DNAH14: variants seen among roughly 807,000 people sequenced by gnomAD.
DNAH14 encodes axonemal beta dynein heavy chain 14.
A neutral mutation model predicts 520.9 loss-of-function variants in DNAH14; 478 were observed. The ratio of observed to expected loss-of-function variants is 0.92; its 90% CI spans 0.85 to 0.99. The LOEUF (loss-of-function observed/expected upper bound fraction) is 0.99. DNAH14 is among the 50% of genes least tolerant of loss of function. The pLI is 0.00. For synonymous variants in DNAH14, 1,581 were observed against 1,757.2 expected (o/e 0.90, Z 2.51); for missense variants, 4,831 against 5,234.5 (o/e 0.92, Z 2.38).
chr1:224,932,210 G>T (rs891110314), intron 1 of DNAH14, among the ~76,000 whole-genome samples: 6 of 151,734 alleles, frequency 4.0e-5, no homozygotes, highest in African/African-American at 1.5e-4. Context: ...TTCTGGTGGT[G>T]GTGAGCATTT....
intron 27 of DNAH14, among the ~76,000 whole-genome samples, chr1:225,133,856 A>T (rs1206027125): frequency 6.6e-6 from 1 of 152,170 alleles, no homozygotes; most frequent in African/African-American, 2.4e-5. Flanking sequence ...CCTATCCATG[A>T]GCATGGAATG....
chr1:225,001,937 A>G (rs1338346558), intron 8 of DNAH14, among the ~76,000 whole-genome samples: 1 of 152,126 alleles, frequency 6.6e-6, no homozygotes. Flanking sequence ...TAAATAGTAC[A>G]AGGCTTTGGA....
intron 81 of DNAH14, 113 bp from the exon 82 acceptor site, chr1:225,388,266 G>A (rs2095864670): frequency 3.6e-6 from 2 of 562,552 alleles, no homozygotes; most frequent in Admixed American, 2.8e-5. Flanking sequence ...ACATCCTCCT[G>A]CCAAGTTATT....
chr1:225,115,833 T>C (rs1386502642), intron 23 of DNAH14, among the ~76,000 whole-genome samples: 1 of 152,210 alleles, frequency 6.6e-6, no homozygotes, highest in Admixed American at 6.5e-5. Context: ...TATGTGTTGG[T>C]ACTACAAAGA....
intron 84 of DNAH14, among the ~76,000 whole-genome samples, chr1:225,394,218 T>G (rs2095970098): frequency 6.6e-6 from 1 of 152,240 alleles, no homozygotes; most frequent in Non-Finnish European, 1.5e-5. Context: ...TTTCCTCTTT[T>G]GTGAAGATTC....
At chr1:225,000,517 A>G (rs2063685853) in intron 8 of DNAH14, among the ~76,000 whole-genome samples, 1 of 150,386 alleles carries the variant, frequency 6.6e-6, no homozygotes, top group Non-Finnish European at 1.5e-5. Context: ...GACTTCAGAC[A>G]CAAATGCTAG....
rs182603116 is a variant in DNAH14 at position 225,119,125 on chromosome 1, A to G, written c.4092-95A>G. The G allele has an allele frequency of 8.5e-4, 723 of 853,140 alleles. 4 individuals carry two copies. The highest frequency in any genetic ancestry group is 1.2e-3 in the Non-Finnish European group (685 of 586,902). 52.8% of individuals were successfully genotyped at this position (853,140 alleles called of 1,614,324 possible). ...TCCTTTGGCCCATGAATATTATTAA[A>G]GTATGTAGAAAATTTAGTCTACAGG... is the stretch of plus-strand genomic sequence containing the variant. On this transcript the variant is annotated intron_variant, in intron 25 of 85. Coordinates refer to ENST00000682510, the MANE Select transcript of DNAH14 (RefSeq NM_001367479.1).
intron 8 of DNAH14, 32 bp downstream of exon 8, chr1:224,974,185 CA>C: frequency 7.3e-7 from 1 of 1,376,348 alleles, no homozygotes; most frequent in Non-Finnish European, 9.7e-7. Context: ...ATAAAAATTT[CA>C]AAAGGAAGCT....
intron 66 of DNAH14, among the ~76,000 whole-genome samples, chr1:225,335,633 ATG>A (rs1558433071): frequency 7.9e-6 from 1 of 126,720 alleles, no homozygotes; most frequent in Non-Finnish European, 1.5e-5. Context: ...ATATATACAT[ATG>A]TGCATATATG....
intron 42 of DNAH14, among the ~76,000 whole-genome samples, chr1:225,240,090 G>A (rs561930690): frequency 6.6e-6 from 1 of 152,212 alleles, no homozygotes; most frequent in South Asian, 2.1e-4. Flanking sequence ...CGACTTGGTT[G>A]AGACAAATAC....
At chr1:225,362,297 G>A (rs533194613) in intron 75 of DNAH14, among the ~76,000 whole-genome samples, 21 of 152,198 alleles carry the variant, frequency 1.4e-4, no homozygotes, top group African/African-American at 3.6e-4. Flanking sequence ...CTTCCGGGCC[G>A]GGCGCGGTGG....
At chr1:225,395,206 A>G (rs2095989751) in intron 84 of DNAH14, among the ~76,000 whole-genome samples, 2 of 152,238 alleles carry the variant, frequency 1.3e-5, no homozygotes, top group Admixed American at 6.5e-5. Flanking sequence ...TATCACTTTT[A>G]TCAATATGAT....
chr1:224,977,931 A>AATC (rs138343258), intron 8 of DNAH14, among the ~76,000 whole-genome samples: 22,864 of 152,052 alleles, frequency 0.15, 3,161 homozygotes, highest in African/African-American at 0.36. Flanking sequence ...CAACATCCCC[A>AATC]ATCAGGGCAA....
chr1:224,979,791 T>A (rs1042371833), intron 8 of DNAH14, among the ~76,000 whole-genome samples: 2 of 152,172 alleles, frequency 1.3e-5, no homozygotes, highest in African/African-American at 4.8e-5. Context: ...TCTTGCATCT[T>A]GGAGACCAAC....
chr1:225,336,059 AT>A (rs1185825554), intron 66 of DNAH14, among the ~76,000 whole-genome samples: 2 of 146,834 alleles, frequency 1.4e-5, no homozygotes, highest in East Asian at 4.0e-4. Context: ...ATATACATAT[AT>A]GTATACATAC....
intron 36 of DNAH14, among the ~76,000 whole-genome samples, chr1:225,169,232 A>G (rs1356231606): frequency 4.6e-5 from 7 of 152,238 alleles, no homozygotes; most frequent in Admixed American, 4.6e-4. Context: ...TCTAAAAATC[A>G]GAGAGCCTCT....
chr1:225,305,115 A>G, intron 58 of DNAH14, 26 bp downstream of exon 58: 3 of 1,506,116 alleles, frequency 2.0e-6, no homozygotes, highest in South Asian at 1.3e-5. Flanking sequence ...CAAATCATAA[A>G]TATATTTTAT....
chr1:225,301,410 G>C (rs1256009111), intron 56 of DNAH14, among the ~76,000 whole-genome samples: 1 of 152,122 alleles, frequency 6.6e-6, no homozygotes. Flanking sequence ...CAAGAAACAA[G>C]AATCATTTCA....
chr1:225,121,440 ACT>A (rs2077276434), intron 26 of DNAH14, among the ~76,000 whole-genome samples: 1 of 151,712 alleles, frequency 6.6e-6, no homozygotes, highest in South Asian at 2.1e-4. Flanking sequence ...ACACCATTCT[ACT>A]CTCTACTTCT....
Sources: gnomAD v4.1 joint callset for allele counts (sites outside exome capture counted in the v4.1 genomes callset) on GRCh38, gnomAD v4.1.1 for gene constraint, MANE v1.5 for transcripts, NCBI Gene and HGNC (gene_info 2026-07-23, HGNC 2026-07-21) for gene names.